The following ING5 variants were observed in gnomAD, a reference collection of about 807,000 sequenced individuals.
ING5 encodes the protein inhibitor of growth family member 5, also known as inhibitor of growth protein 5.
A neutral mutation model predicts 37.4 loss-of-function variants in ING5; 17 were observed. The ratio of observed to expected loss-of-function variants is 0.45; its 90% CI spans 0.31 to 0.68. The LOEUF (loss-of-function observed/expected upper bound fraction) is 0.68, where lower values mean the gene tolerates loss of function less well. ING5 is among the 30% of genes least tolerant of loss of function. The pLI, the probability that ING5 is intolerant of heterozygous loss-of-function variation, is 0.05. For synonymous variants in ING5, 123 were observed against 116.6 expected, an observed-to-expected ratio of 1.06 and a Z score of -0.36; for missense variants, 233 against 311.9, an observed-to-expected ratio of 0.75 and a Z score of 1.91.
At chr2:241,699,052 T>TC (rs2069675425), upstream of ING5, among the ~76,000 whole-genome samples, 1 of 91,380 alleles carries the variant, frequency 1.1e-5, no homozygotes, top group African/African-American at 4.9e-5. Context: ...GGGGGAGGGG[T>TC]TTGCTCTTGT....
At position 241,704,742 on chromosome 2, in the gene ING5, C is replaced by T; in HGVS notation, c.109+18C>T. The T allele has an allele frequency of 1.9e-6, 3 of 1,602,912 alleles. No individual in the cohort carries two copies. The highest frequency in any genetic ancestry group is 2.6e-6 in the Non-Finnish European group (3 of 1,169,848). ...GACGGAAGGTGGGTTCAGACCTCTC[C>T]ATACAACCAGAACTGAGTTCTGACA... On this transcript the variant is annotated intron_variant, in intron 2 of 7. Transcript: ENST00000313552.
At chr2:241,698,326 T>G (rs2069660422), upstream of ING5, among the ~76,000 whole-genome samples, 1 of 152,026 alleles carries the variant, frequency 6.6e-6, no homozygotes, top group African/African-American at 2.4e-5. Context: ...GCACCTGTAG[T>G]TCCAGCTACT....
upstream of ING5, among the ~76,000 whole-genome samples, chr2:241,700,014 G>A (rs564924133): frequency 2.6e-5 from 4 of 152,028 alleles, no homozygotes; most frequent in Non-Finnish European, 5.9e-5. Flanking sequence ...ATGGAGTCTC[G>A]CTCTGTCACC....
At chr2:241,723,877 G>A (rs1691497470) in intron 7 of ING5, 1 of 1,447,834 alleles carries the variant, frequency 6.9e-7, no homozygotes, top group Non-Finnish European at 9.6e-7. Context: ...GGGCGTGGTG[G>A]TGCGTGCCTG....
chr2:241,708,827 T>A (rs2070008119), intron 2 of ING5, among the ~76,000 whole-genome samples: 3 of 152,176 alleles, frequency 2.0e-5, no homozygotes, highest in Non-Finnish European at 4.4e-5. Context: ...GTTTAGGGTA[T>A]TTAAGAGTAG....
At chr2:241,697,292 A>G (rs2069644482), upstream of ING5, among the ~76,000 whole-genome samples, 2 of 149,724 alleles carry the variant, frequency 1.3e-5, no homozygotes, top group Admixed American at 1.3e-4. Context: ...AGAATTAGAC[A>G]GGCGTGGTGT....
chr2:241,721,815 C>T, intron 5 of ING5: 2 of 985,472 alleles, frequency 2.0e-6, no homozygotes, highest in Non-Finnish European at 2.4e-6. Flanking sequence ...TAAGTGCATC[C>T]CTTTCAAACA....
At chr2:241,707,211 G>A (rs534469873) in intron 2 of ING5, among the ~76,000 whole-genome samples, 45 of 151,828 alleles carry the variant, frequency 3.0e-4, no homozygotes, top group Non-Finnish European at 5.7e-4. Context: ...TGCCCGCCTT[G>A]GCCTCCCAAA....
upstream of ING5, among the ~76,000 whole-genome samples, chr2:241,700,886 A>G (rs2069706862): frequency 6.6e-6 from 1 of 151,748 alleles, no homozygotes. Flanking sequence ...TCGGCCTCCC[A>G]AAGTGTTGGG....
chr2:241,702,769 C>T (rs368543427), intron 1 of ING5, among the ~76,000 whole-genome samples: 1 of 152,252 alleles, frequency 6.6e-6, no homozygotes, highest in African/African-American at 2.4e-5. Flanking sequence ...ACTTTACACA[C>T]CAGGGAAGGT....
intron 5 of ING5, chr2:241,719,689 G>A (rs1390636763): frequency 1.7e-5 from 26 of 1,522,446 alleles, no homozygotes; most frequent in Middle Eastern, 1.7e-4. Context: ...TGTTGGGGTC[G>A]GGGCTTCCTC....
At chr2:241,723,540 T>C (rs1314424319) in intron 7 of ING5, among the ~76,000 whole-genome samples, 1 of 152,256 alleles carries the variant, frequency 6.6e-6, no homozygotes, top group Non-Finnish European at 1.5e-5. Flanking sequence ...TTACGTGATA[T>C]TCACGTTAAT....
intron 7 of ING5, chr2:241,724,151 A>C: frequency 1.1e-6 from 1 of 875,494 alleles, no homozygotes; most frequent in Non-Finnish European, 1.4e-6. Context: ...CGTGTTTGAA[A>C]CTCCGGCAGA....
chr2:241,723,941 C>A, intron 7 of ING5: 1 of 1,274,170 alleles, frequency 7.8e-7, no homozygotes. Context: ...GCCTGGAAGT[C>A]CGAGGCTTCA....
chr2:241,712,534 A>G (rs2070142662), intron 5 of ING5, among the ~76,000 whole-genome samples: 2 of 152,234 alleles, frequency 1.3e-5, no homozygotes, highest in Non-Finnish European at 2.9e-5. Flanking sequence ...CATTTATTAA[A>G]TAGACATGTC....
chr2:241,720,495 C>T (rs949008669), intron 5 of ING5: 6 of 1,001,534 alleles, frequency 6.0e-6, no homozygotes, highest in Non-Finnish European at 7.1e-6. Context: ...CCTGAGGCTG[C>T]CCCCTGCACT....
intron 5 of ING5, among the ~76,000 whole-genome samples, chr2:241,716,546 C>T (rs1414918729): frequency 3.3e-5 from 5 of 152,016 alleles, no homozygotes; most frequent in South Asian, 2.1e-4. Flanking sequence ...CCACCCACCT[C>T]GGCCTCCCAA....
At chr2:241,700,409 G>C (rs2069698226), upstream of ING5, among the ~76,000 whole-genome samples, 1 of 151,792 alleles carries the variant, frequency 6.6e-6, no homozygotes, top group African/African-American at 2.4e-5. Flanking sequence ...CTCCCGCCTT[G>C]GCCTCCCAAA....
In ING5 at chr2:241,725,223, C is replaced by CT. The variant is rs1691566953; in HGVS notation, c.*193dup. The CT allele has an allele frequency of 1.6e-6, 1 of 626,230 alleles. No homozygotes were observed. Among genetic ancestry groups the CT allele is most frequent in the Middle Eastern group, 2.9e-4 (1 of 3,412 alleles). 38.8% of individuals were successfully genotyped at this position (626,230 alleles called of 1,614,324 possible). On this transcript the variant is annotated 3_prime_UTR_variant, in exon 8 of 8. Coordinates refer to ENST00000313552, the MANE Select transcript of ING5 (RefSeq NM_032329.6). ...GCACAGAAGGGCGACCTTGCAGGGA[C>CT]TCGCCGCCGCGACCTCAGTGTGGCT...
Sources: gnomAD v4.1 joint callset for allele counts (sites outside exome capture counted in the v4.1 genomes callset) on GRCh38, gnomAD v4.1.1 for gene constraint, MANE v1.5 for transcripts, NCBI Gene and HGNC (gene_info 2026-07-23, HGNC 2026-07-21) for gene names.